FLNB: variants seen among roughly 807,000 people sequenced by gnomAD.
The protein encoded by FLNB is filamin-B.
In FLNB, 111 loss-of-function variants were observed where a neutral mutation model predicts 250.6. That is an observed-to-expected ratio of 0.44 (90% CI 0.38 to 0.52). The LOEUF (loss-of-function observed/expected upper bound fraction) is 0.52. FLNB is among the 20% of genes least tolerant of loss of function. The probability of loss-of-function intolerance (pLI) is 0.00; values close to 1 mark genes in which losing one functional copy is unlikely to be tolerated. For synonymous variants in FLNB, 1,302 were observed against 1,372.1 expected (o/e 0.95, Z 1.13); for missense variants, 2,869 against 3,447.8 (o/e 0.83, Z 4.20).
intron 7 of FLNB, 83 bp downstream of exon 7, chr3:58,098,060 G>C: frequency 7.1e-7 from 1 of 1,405,776 alleles, no homozygotes; most frequent in South Asian, 1.2e-5. Flanking sequence ...TTGAAGGCCT[G>C]ACCTTTTGTC....
Position 58,097,826 on chromosome 3 carries a change from C to T in FLNB, c.996C>T (p.Leu332=). The stretch of plus-strand genomic sequence containing the variant: ...TCTGTCACCTATAGGTCACAGTCCT[C>T]TTTGCAGGACAGCACATCTCCAAGA... ...KVTGLHKVTV[L]FAGQHISKSP... is the part of the protein sequence containing the mutation. Residue 332 remains leucine (L), a synonymous_variant, in exon 7 of 46, where the codon CTC becomes CTT. Transcript: ENST00000295956. 6.2e-7 allele frequency: 1 copy of T among 1,614,086 alleles called. No individual in the cohort carries two copies. The highest frequency in any genetic ancestry group is 8.5e-7 in the Non-Finnish European group (1 of 1,179,990).
intron 4 of FLNB, among the ~76,000 whole-genome samples, chr3:58,087,951 G>T (rs2097219907): frequency 6.6e-6 from 1 of 151,632 alleles, no homozygotes; most frequent in African/African-American, 2.4e-5. Flanking sequence ...TGTTGGTCAG[G>T]CTGGTCTTGA....
At chr3:58,063,553 C>T (rs897042319) in intron 1 of FLNB, among the ~76,000 whole-genome samples, 18 of 152,324 alleles carry the variant, frequency 1.2e-4, no homozygotes, top group African/African-American at 4.3e-4. Context: ...CCTATCTGTC[C>T]TCTGAGGGCC....
chr3:58,134,069 C>A (rs1174079346), intron 26 of FLNB, among the ~76,000 whole-genome samples: 1 of 152,172 alleles, frequency 6.6e-6, no homozygotes, highest in Non-Finnish European at 1.5e-5. Context: ...ACTTGTATCC[C>A]TTGGAACAGA....
Position 58,170,871 on chromosome 3 carries a change from C to G in FLNB, c.*109C>G. ...CCTGTTTGTGGGGCTGAAACCCCAT[C>G]CCTAAAATATTGCTGTTGTAAAATG... On this transcript the variant is annotated 3_prime_UTR_variant, in exon 46 of 46. Transcript: ENST00000295956. 1 of 990,786 alleles carries G rather than the reference C, an allele frequency of 1.0e-6. No individual in the cohort carries two copies. Among genetic ancestry groups the G allele is most frequent in the Non-Finnish European group, 1.6e-6 (1 of 642,784 alleles). 61.4% of individuals were successfully genotyped at this position (990,786 alleles called of 1,614,324 possible). A position where few individuals can be genotyped will look rare whatever the true frequency, so the allele number is the denominator to read the frequency against.
rs762942290 is a variant in FLNB at position 58,111,835 on chromosome 3, C to T, written c.2529C>T (p.His843=). 20 of 1,614,024 alleles carry T rather than the reference C, an allele frequency of 1.2e-5. No individual in the cohort carries two copies. Among genetic ancestry groups the T allele is most frequent in the South Asian group, 4.4e-5 (4 of 91,090 alleles). Residue 843 remains histidine (H), a synonymous_variant, in exon 17 of 46, where the codon CAC becomes CAT. Transcript: ENST00000295956. The part of the protein sequence containing the change: ...SPFRVKVDPS[H]DASKVKAEGP... ...TCAGAGTCAAAGTTGACCCTTCCCA[C>T]GATGCCAGCAAAGTGAAGGCAGAAG...
chr3:58,024,402 C>T (rs970298874), intron 1 of FLNB, among the ~76,000 whole-genome samples: 2 of 152,070 alleles, frequency 1.3e-5, no homozygotes, highest in Non-Finnish European at 2.9e-5. Flanking sequence ...GGGTAAGTGC[C>T]CCATGAATGG....
intron 1 of FLNB, among the ~76,000 whole-genome samples, chr3:58,009,459 C>T (rs1344679122): frequency 6.6e-6 from 1 of 152,148 alleles, no homozygotes; most frequent in Non-Finnish European, 1.5e-5. Context: ...TCCTCGCTCT[C>T]TCTGCTCCCA....
chr3:58,049,870 T>C (rs1186779771), intron 1 of FLNB, among the ~76,000 whole-genome samples: 1 of 152,100 alleles, frequency 6.6e-6, no homozygotes, highest in Non-Finnish European at 1.5e-5. Flanking sequence ...TGAGAAAACG[T>C]GTAATCTGTG....
rs774536170 is a variant in FLNB at position 58,106,741 on chromosome 3, G to T, written c.1809G>T (p.Ser603=). 4.3e-6 allele frequency: 7 copies of T among 1,614,046 alleles called. No individual in the cohort carries two copies. In the Admixed American group the frequency reaches 1.0e-4, roughly 23 times the overall value. ...AGTACAACGACCAGAATGATGGATC[G>T]TGTGATGTCAAATACTGGCCCAAGG... is the stretch of plus-strand genomic sequence containing the variant. ...KIEYNDQNDG[S]CDVKYWPKEP... is the part of the protein sequence containing the mutation. The change falls in exon 12 of 46, where the codon TCG becomes TCT. Residue 603 remains serine, a synonymous_variant. Coordinates refer to ENST00000295956, the MANE Select transcript of FLNB (RefSeq NM_001457.4).
At chr3:58,097,570 T>C (rs973662420) in intron 6 of FLNB, among the ~76,000 whole-genome samples, 3 of 152,202 alleles carry the variant, frequency 2.0e-5, no homozygotes, top group African/African-American at 7.2e-5. Context: ...ACTAAGTGTA[T>C]ATAAGGTCAG....
chr3:58,031,536 G>A (rs2097131125), intron 1 of FLNB, among the ~76,000 whole-genome samples: 1 of 130,452 alleles, frequency 7.7e-6, no homozygotes, highest in South Asian at 2.6e-4. Flanking sequence ...GAGCCACCGT[G>A]CCCTGCCTTT....
At chr3:58,031,464 A>G (rs957100819) in intron 1 of FLNB, among the ~76,000 whole-genome samples, 1 of 149,548 alleles carries the variant, frequency 6.7e-6, no homozygotes, top group African/African-American at 2.5e-5. Context: ...GGATGGTCTC[A>G]ATCTGCTGAC....
chr3:58,138,468 C>T lies in FLNB; in HGVS notation c.5048C>T (p.Thr1683Ile). The change falls in exon 29 of 46, where the codon ACA becomes ATA. Residue 1683 changes from threonine (T) to isoleucine (I), a missense_variant. Thr to Ile is a moderately conservative substitution (Grantham distance 89). Coordinates refer to ENST00000295956, the MANE Select transcript of FLNB (RefSeq NM_001457.4). ...DIFYTAAKPG[T>I]YVIYVRFGGV... is the part of the protein sequence containing the mutation. ...TTCTACACAGCTGCCAAGCCGGGCA[C>T]ATATGTGATCTATGTGCGCTTCGGT... 2 of 1,614,226 alleles carry T rather than the reference C, an allele frequency of 1.2e-6. No homozygotes were observed. The highest frequency in any genetic ancestry group is 1.1e-5 in the South Asian group (1 of 91,082).
At position 58,123,703 on chromosome 3, in the gene FLNB, TAAAAAAA is replaced by T. The variant is rs56147140; in HGVS notation, c.3724+30_3724+36del. ...ATAGAAGGGAAAGGTGGGTTTCATT[TAAAAAAA>T]AAAAAAAAAAAAAAAAGACAAGCTG... On this transcript the variant is annotated intron_variant, in intron 21 of 45. Transcript: ENST00000295956. 22 of 1,117,324 alleles carry T rather than the reference TAAAAAAA, an allele frequency of 2.0e-5. No homozygotes were observed. The highest frequency in any genetic ancestry group is 3.0e-4 in the Middle Eastern group (1 of 3,378). 69.2% of individuals were successfully genotyped at this position (1,117,324 alleles called of 1,614,324 possible).
intron 1 of FLNB, among the ~76,000 whole-genome samples, chr3:58,015,380 T>A (rs901431475): frequency 5.9e-5 from 9 of 152,346 alleles, no homozygotes; most frequent in African/African-American, 2.2e-4. Flanking sequence ...ATTTTTGGAA[T>A]CCTATTGCTG....
intron 4 of FLNB, among the ~76,000 whole-genome samples, chr3:58,090,104 G>A (rs2097224129): frequency 6.6e-6 from 1 of 151,732 alleles, no homozygotes; most frequent in African/African-American, 2.4e-5. Context: ...GCCTCTGTAA[G>A]CTTTTTTCTG....
At chr3:58,063,372 G>C (rs961250253) in intron 1 of FLNB, among the ~76,000 whole-genome samples, 1 of 152,188 alleles carries the variant, frequency 6.6e-6, no homozygotes, top group African/African-American at 2.4e-5. Flanking sequence ...AGTTTGCAGA[G>C]AGCTCTGTTG....
intron 8 of FLNB, 86 bp from the exon 9 acceptor site, chr3:58,102,117 T>C: frequency 6.6e-7 from 1 of 1,511,282 alleles, no homozygotes; most frequent in Non-Finnish European, 9.2e-7. Flanking sequence ...AAATATTTTC[T>C]TGGCGGGTGG....
Sources: gnomAD v4.1 joint callset for allele counts (sites outside exome capture counted in the v4.1 genomes callset) on GRCh38, gnomAD v4.1.1 for gene constraint, MANE v1.5 for transcripts, NCBI Gene and HGNC (gene_info 2026-07-23, HGNC 2026-07-21) for gene names.